The following BRINP3 variants were observed in gnomAD, a reference collection of about 807,000 sequenced individuals.
BRINP3 encodes BMP/retinoic acid-inducible neural-specific protein 3.
Under a neutral mutation model 71.0 loss-of-function variants are expected in BRINP3, and 19 were observed. The observed-to-expected ratio is 0.27, with a 90% CI of 0.19 to 0.39. The LOEUF (loss-of-function observed/expected upper bound fraction) is 0.39. BRINP3 is among the 10% of genes least tolerant of loss of function. BRINP3 has a pLI of 1.00. For missense variants in BRINP3, 959 were observed against 940.8 expected, an observed-to-expected ratio of 1.02 and a Z score of -0.25; for synonymous variants, 380 against 337.7, an observed-to-expected ratio of 1.13 and a Z score of -1.37.
intron 6 of BRINP3, among the ~76,000 whole-genome samples, chr1:190,177,150 CTTTTTTTTTTTTT>C (rs1030190199): frequency 6.3e-5 from 4 of 63,216 alleles, no homozygotes; most frequent in South Asian, 7.1e-4. Flanking sequence ...GCACCCACTT[CTTTTTTTTTTTTT>C]TTTTTTTTTT....
intron 2 of BRINP3, among the ~76,000 whole-genome samples, chr1:190,325,621 T>C (rs575263514): frequency 1.6e-4 from 25 of 152,182 alleles, no homozygotes; most frequent in African/African-American, 5.5e-4. Context: ...GACCACTCGA[T>C]AAGGTTGTCT....
chr1:190,113,128 T>G (rs1259573525), intron 7 of BRINP3, among the ~76,000 whole-genome samples: 1 of 152,032 alleles, frequency 6.6e-6, no homozygotes, highest in African/African-American at 2.4e-5. Context: ...TATTACCAAT[T>G]AAATATTTTA....
At position 190,438,790 on chromosome 1, in the gene BRINP3, C is replaced by G. The variant is rs1674633004; in HGVS notation, c.236+15865G>C. Among the ~76,000 whole-genome samples the G allele has an allele frequency of 3.3e-5, 5 of 151,890 alleles. No homozygotes were observed. In the South Asian group the frequency reaches 1.0e-3, roughly 32 times the overall value. On this transcript the variant is annotated intron_variant, in intron 2 of 7. Coordinates refer to ENST00000367462, the MANE Select transcript of BRINP3 (RefSeq NM_199051.3). ...CACTAACCAAGGAAGAGTAAATGTTCCCTCTCAAGATGCCATAATAGTGAC... is the reference window on the plus strand; with the variant it reads ...CACTAACCAAGGAAGAGTAAATGTTGCCTCTCAAGATGCCATAATAGTGAC...
At chr1:190,239,430 T>G (rs1658839854) in intron 4 of BRINP3, among the ~76,000 whole-genome samples, 1 of 152,078 alleles carries the variant, frequency 6.6e-6, no homozygotes, top group Non-Finnish European at 1.5e-5. Flanking sequence ...TGAACTTCCA[T>G]TAATATAAAG....
intron 2 of BRINP3, among the ~76,000 whole-genome samples, chr1:190,301,176 C>CAT (rs138605864): frequency 2.7e-4 from 28 of 102,456 alleles, no homozygotes; most frequent in Admixed American, 1.2e-3. Context: ...CATATATATA[C>CAT]ATATATATAT....
chr1:190,358,399 A>C (rs1668887219), intron 2 of BRINP3, among the ~76,000 whole-genome samples: 1 of 152,224 alleles, frequency 6.6e-6, no homozygotes, highest in Non-Finnish European at 1.5e-5. Context: ...CAGCCAACAG[A>C]CACATGAAAA....
chr1:190,200,933 T>C (rs1023401509), intron 6 of BRINP3, among the ~76,000 whole-genome samples: 1 of 152,140 alleles, frequency 6.6e-6, no homozygotes, highest in African/African-American at 2.4e-5. Context: ...ATCTTGAGTA[T>C]GTCTTTATCA....
At chr1:190,167,699 G>A (rs1468790635) in intron 6 of BRINP3, among the ~76,000 whole-genome samples, 1 of 152,156 alleles carries the variant, frequency 6.6e-6, no homozygotes, top group East Asian at 1.9e-4. Context: ...CCTCGGAACT[G>A]AAGGGTAGAT....
At chr1:190,130,401 C>T (rs1025418751) in intron 7 of BRINP3, among the ~76,000 whole-genome samples, 2 of 151,900 alleles carry the variant, frequency 1.3e-5, no homozygotes, top group African/African-American at 4.8e-5. Flanking sequence ...AACTAGATTT[C>T]ATATCTTTAA....
intron 2 of BRINP3, among the ~76,000 whole-genome samples, chr1:190,399,416 C>T (rs1671786004): frequency 6.6e-6 from 1 of 151,898 alleles, no homozygotes; most frequent in South Asian, 2.1e-4. Context: ...CATCAAATTA[C>T]AATGGCTTCA....
At chr1:190,356,980 G>T (rs761382402) in intron 2 of BRINP3, among the ~76,000 whole-genome samples, 3 of 151,162 alleles carry the variant, frequency 2.0e-5, no homozygotes, top group Non-Finnish European at 4.4e-5. Flanking sequence ...ACTCTACAGA[G>T]GGACAGAGTG....
At chr1:190,470,650 A>C (rs1441450583) in intron 1 of BRINP3, among the ~76,000 whole-genome samples, 1 of 151,192 alleles carries the variant, frequency 6.6e-6, no homozygotes, top group East Asian at 1.9e-4. Context: ...ATAACAATGA[A>C]ATAGAAGAAT....
At chr1:190,475,549 C>T (rs1289925934) in intron 1 of BRINP3, among the ~76,000 whole-genome samples, 1 of 152,124 alleles carries the variant, frequency 6.6e-6, no homozygotes, top group Non-Finnish European at 1.5e-5. Context: ...ATGGGTTATT[C>T]CCACATCAAC....
At chr1:190,442,481 C>T (rs948627951) in intron 2 of BRINP3, among the ~76,000 whole-genome samples, 1 of 152,148 alleles carries the variant, frequency 6.6e-6, no homozygotes, top group Non-Finnish European at 1.5e-5. Flanking sequence ...AAGCCCAGGC[C>T]ATTCTCTTTG....
chr1:190,226,369 T>A, intron 5 of BRINP3, 51 bp from the exon 6 acceptor site: 1 of 989,758 alleles, frequency 1.0e-6, no homozygotes, highest in South Asian at 1.8e-5. Context: ...AAAGAAAAAA[T>A]TAAAATACTT....
chr1:190,172,253 G>A (rs1652082798), intron 6 of BRINP3, among the ~76,000 whole-genome samples: 1 of 150,308 alleles, frequency 6.7e-6, no homozygotes, highest in Admixed American at 6.7e-5. Context: ...CCTTATATAT[G>A]AGTTAAATTT....
chr1:190,463,195 T>A (rs961066789), intron 1 of BRINP3, among the ~76,000 whole-genome samples: 4 of 151,816 alleles, frequency 2.6e-5, no homozygotes, highest in African/African-American at 7.2e-5. Flanking sequence ...ATAGTACTAC[T>A]AAAAATAAGA....
intron 2 of BRINP3, among the ~76,000 whole-genome samples, chr1:190,340,039 G>A (rs1044681519): frequency 2.0e-5 from 3 of 151,782 alleles, no homozygotes; most frequent in East Asian, 3.9e-4. Context: ...GTATCAAAAA[G>A]AGGAAAGAAA....
chr1:190,227,106 T>TA (rs1480622191), intron 5 of BRINP3, among the ~76,000 whole-genome samples: 1 of 151,916 alleles, frequency 6.6e-6, no homozygotes, highest in Non-Finnish European at 1.5e-5. Context: ...TAAGAATACT[T>TA]AAATACTAAA....
Sources: gnomAD v4.1 joint callset for allele counts (sites outside exome capture counted in the v4.1 genomes callset) on GRCh38, gnomAD v4.1.1 for gene constraint, MANE v1.5 for transcripts, NCBI Gene and HGNC (gene_info 2026-07-23, HGNC 2026-07-21) for gene names.